Variants in PALM2AKAP2 observed in about 807,000 individuals in gnomAD.
The protein encoded by PALM2AKAP2 is PALM2 and AKAP2 fusion, also known as PALM2-AKAP2 fusion protein.
PALM2AKAP2 carries 37 observed loss-of-function variants against 71.5 expected under a neutral mutation model. The ratio of observed to expected loss-of-function variants is 0.52; its 90% confidence interval spans 0.40 to 0.68. PALM2AKAP2 has a LOEUF of 0.68. PALM2AKAP2 is among the 30% of genes least tolerant of loss of function. PALM2AKAP2 has a pLI of 0.00. For synonymous variants in PALM2AKAP2, 468 were observed against 478.8 expected, an observed-to-expected ratio of 0.98 and a Z score of 0.29; for missense variants, 1,224 against 1,191.8, an observed-to-expected ratio of 1.03 and a Z score of -0.40.
intron 6 of PALM2AKAP2, among the ~76,000 whole-genome samples, chr9:109,937,486 T>C (rs1370584082): frequency 6.6e-6 from 1 of 152,146 alleles, no homozygotes; most frequent in Non-Finnish European, 1.5e-5. Context: ...GCAACATTCG[T>C]TCTTACTCTC....
intron 7 of PALM2AKAP2, among the ~76,000 whole-genome samples, chr9:110,042,673 T>C (rs1350846976): frequency 6.6e-6 from 1 of 152,228 alleles, no homozygotes; most frequent in East Asian, 1.9e-4. Context: ...TTGGAGGTTG[T>C]CTGATGCTCA....
At chr9:109,654,251 G>A (rs891074749) in intron 1 of PALM2AKAP2, among the ~76,000 whole-genome samples, 1 of 152,172 alleles carries the variant, frequency 6.6e-6, no homozygotes, top group African/African-American at 2.4e-5. Flanking sequence ...GGCCCAAGAA[G>A]CTCGTGGTAT....
intron 2 of PALM2AKAP2, among the ~76,000 whole-genome samples, chr9:109,879,452 A>G (rs1180192846): frequency 6.6e-6 from 1 of 152,166 alleles, no homozygotes; most frequent in African/African-American, 2.4e-5. Flanking sequence ...GCCATGATGT[A>G]CAGGGTCAGT....
At chr9:110,066,700 TA>T (rs569725110) in intron 1 of PALM2AKAP2, among the ~76,000 whole-genome samples, 7,716 of 141,044 alleles carry the variant, frequency 0.055, 589 homozygotes, top group African/African-American at 0.17. Context: ...CATTGTCTCT[TA>T]AAAAAAAAAA....
At chr9:110,121,438 C>G (rs1412142554) in intron 1 of PALM2AKAP2, among the ~76,000 whole-genome samples, 1 of 152,138 alleles carries the variant, frequency 6.6e-6, no homozygotes, top group Non-Finnish European at 1.5e-5. Flanking sequence ...TTGAATTGGG[C>G]CTTGGAGCAG....
chr9:110,137,552 A>G lies in PALM2AKAP2; in HGVS notation c.1582A>G (p.Ser528Gly), dbSNP rs1046322402. ...GTGGGCTGAGGATGGAGAATTTACG[A>G]GCGCCCGGGCTGTCCTCACTGTGGT... Residue 528 changes from serine to glycine, a missense_variant, in exon 2 of 4, where the codon AGC (serine) becomes GGC (glycine). Coordinates refer to ENST00000374525, the Ensembl canonical transcript of PALM2AKAP2. 2 of 1,614,014 alleles carry G rather than the reference A, an allele frequency of 1.2e-6. No individual in the cohort carries two copies. The highest frequency in any genetic ancestry group is 1.3e-5 in the African/African-American group (1 of 74,896).
intron 1 of PALM2AKAP2, among the ~76,000 whole-genome samples, chr9:110,121,686 T>TA (rs1243056328): frequency 6.6e-6 from 1 of 152,212 alleles, no homozygotes; most frequent in Non-Finnish European, 1.5e-5. Flanking sequence ...ATGGGAAAGT[T>TA]ACATTTAGCA....
At position 109,646,793 on chromosome 9, in the gene PALM2AKAP2, A is replaced by G. The variant is rs77537690; in HGVS notation, c.5+5927A>G. On this transcript the variant is annotated intron_variant, in intron 1 of 6. Transcript: ENST00000374531. ...CTTACGGCTTAGTCTATGTGTGACTATGGATACTTTGTGAGTTTGAACTAT... is the reference window on the plus strand; with the variant it reads ...CTTACGGCTTAGTCTATGTGTGACTGTGGATACTTTGTGAGTTTGAACTAT... Among the ~76,000 whole-genome samples, 878 of 152,306 alleles carry G rather than the reference A, an allele frequency of 5.8e-3. 17 individuals carry two copies. The highest frequency in any genetic ancestry group is 0.037 in the East Asian group (190 of 5,186).
At chr9:109,863,720 G>A (rs16914558) in intron 1 of PALM2AKAP2, among the ~76,000 whole-genome samples, 5 of 151,212 alleles carry the variant, frequency 3.3e-5, no homozygotes, top group Non-Finnish European at 7.4e-5. Context: ...ACTTGTTGTC[G>A]TTTGACTCAT....
rs113015652 is a variant in PALM2AKAP2 at position 109,848,395 on chromosome 9, G to A, written c.46-19096G>A. ...ATGTTTCCTGTGCTGCGTGTTTGTG[G>A]TTGTCTCAGGATTTGTGAGACTTAC... On this transcript the variant is annotated intron_variant, in intron 1 of 9. Coordinates refer to the PALM2AKAP2 transcript ENST00000302798. 5.0e-3 allele frequency among the ~76,000 whole-genome samples: 755 copies of A among 152,294 alleles called. 3 individuals carry two copies. The highest frequency in any genetic ancestry group is 0.017 in the African/African-American group (710 of 41,564).
chr9:109,735,736 G>T (rs1828620305), intron 1 of PALM2AKAP2, among the ~76,000 whole-genome samples: 1 of 152,144 alleles, frequency 6.6e-6, no homozygotes, highest in Admixed American at 6.5e-5. Context: ...GAGTTCCCTT[G>T]GGATGTTTGT....
intron 1 of PALM2AKAP2, among the ~76,000 whole-genome samples, chr9:110,111,505 G>T (rs1835251369): frequency 6.6e-6 from 1 of 152,212 alleles, no homozygotes; most frequent in Admixed American, 6.5e-5. Context: ...GAGGGGACTT[G>T]ACTAAGTTGG....
intron 3 of PALM2AKAP2, among the ~76,000 whole-genome samples, chr9:109,903,264 C>T (rs1175310460): frequency 6.6e-6 from 1 of 152,002 alleles, no homozygotes; most frequent in Non-Finnish European, 1.5e-5. Context: ...CACATCAGCA[C>T]CGAGACTGGC....
chr9:110,125,348 G>C (rs1835576410), intron 1 of PALM2AKAP2, among the ~76,000 whole-genome samples: 1 of 152,222 alleles, frequency 6.6e-6, no homozygotes, highest in African/African-American at 2.4e-5. Flanking sequence ...GGCCTGCTCT[G>C]GCTGGGAATG....
At chr9:110,118,314 T>G (rs1027339897) in intron 1 of PALM2AKAP2, among the ~76,000 whole-genome samples, 1 of 152,046 alleles carries the variant, frequency 6.6e-6, no homozygotes, top group African/African-American at 2.4e-5. Flanking sequence ...TAGCACAATC[T>G]CGGCTCACTG....
At chr9:109,801,934 G>T (rs1202485444) in intron 1 of PALM2AKAP2, among the ~76,000 whole-genome samples, 2 of 152,106 alleles carry the variant, frequency 1.3e-5, no homozygotes, top group East Asian at 3.8e-4. Flanking sequence ...GGGGAGGGGT[G>T]ATCCCCCCAA....
At chr9:109,888,277 A>G (rs1215321930) in intron 3 of PALM2AKAP2, among the ~76,000 whole-genome samples, 1 of 152,182 alleles carries the variant, frequency 6.6e-6, no homozygotes, top group Non-Finnish European at 1.5e-5. Context: ...TTGATCTTGG[A>G]CAAGCCATGT....
At chr9:110,043,881 G>A (rs143852081), upstream of PALM2AKAP2, among the ~76,000 whole-genome samples, 21 of 151,474 alleles carry the variant, frequency 1.4e-4, no homozygotes, top group East Asian at 3.9e-4. Flanking sequence ...ACCACACCCC[G>A]CTCATTTTTT....
At chr9:109,831,619 T>TGACAGATGCAGTCAGA (rs1828303397) in intron 1 of PALM2AKAP2, among the ~76,000 whole-genome samples, 1 of 152,200 alleles carries the variant, frequency 6.6e-6, no homozygotes, top group Admixed American at 6.5e-5. Flanking sequence ...CCCAAACTAG[T>TGACAGATGCAGTCAGA]GACAGATGCA....
Sources: gnomAD v4.1 joint callset for allele counts (sites outside exome capture counted in the v4.1 genomes callset) on GRCh38, gnomAD v4.1.1 for gene constraint, MANE v1.5 for transcripts, NCBI Gene and HGNC (gene_info 2026-07-23, HGNC 2026-07-21) for gene names.